CPA4: variants seen among roughly 807,000 people sequenced by gnomAD.
The protein encoded by CPA4 is carboxypeptidase A4.
Under a neutral mutation model 54.7 loss-of-function variants are expected in CPA4, and 49 were observed. The observed-to-expected ratio is 0.90, with a 90% confidence interval of 0.71 to 1.14. The LOEUF (loss-of-function observed/expected upper bound fraction) is 1.14. Ranked by LOEUF, CPA4 falls within the 50% of genes most tolerant of loss-of-function variation. The probability of loss-of-function intolerance (pLI) is 0.00; values close to 1 mark genes in which losing one functional copy is unlikely to be tolerated. For synonymous variants in CPA4, 215 were observed against 206.8 expected, an observed-to-expected ratio of 1.04 and a Z score of -0.34; for missense variants, 487 against 525.1, an observed-to-expected ratio of 0.93 and a Z score of 0.71.
chr7:130,311,902 G>A (rs1331818882), intron 9 of CPA4, 136 bp from the exon 10 acceptor site: 6 of 674,508 alleles, frequency 8.9e-6, no homozygotes, highest in Non-Finnish European at 8.0e-6. Context: ...TTGGCACTGG[G>A]CGAAGGGGAA....
chr7:130,318,749 C>G (rs928522821), intron 10 of CPA4, among the ~76,000 whole-genome samples: 1 of 152,052 alleles, frequency 6.6e-6, no homozygotes, highest in Non-Finnish European at 1.5e-5. Context: ...CTTCCATATT[C>G]TTTATAGGCC....
In CPA4 at chr7:130,297,005, T is replaced by C. The variant is rs1431862543; in HGVS notation, c.69-1741T>C. ...TCTTGCTCTATTGCCCAGGTTAGAG[T>C]GCAGAGGTGTGATCATAGCTCACTG... On this transcript the variant is annotated intron_variant, in intron 1 of 10. Transcript: ENST00000222482. 2.0e-5 allele frequency among the ~76,000 whole-genome samples: 3 copies of C among 151,814 alleles called. No homozygotes were observed. The East Asian group carries it at 5.8e-4, about 29-fold the overall frequency.
In CPA4 at chr7:130,310,237, C is replaced by T. The variant is rs1793889924; in HGVS notation, c.794-550C>T. Among the ~76,000 whole-genome samples the T allele has an allele frequency of 6.6e-6, 1 of 151,702 alleles. No homozygotes were observed. Among genetic ancestry groups the T allele is most frequent in the Non-Finnish European group, 1.5e-5 (1 of 68,028 alleles). ...GGGTGGTTTCAGTCACATTCATACA[C>T]ACACACACGCACACACACACGTATG... On this transcript the variant is annotated intron_variant, in intron 8 of 10. Transcript: ENST00000222482. This position sits in a 1 kb window ranked among gnomAD's most constrained non-coding sequence, Gnocchi z 4.3.
chr7:130,293,408 C>T (rs1793602389), intron 1 of CPA4, 160 bp downstream of exon 1: 1 of 630,434 alleles, frequency 1.6e-6, no homozygotes, highest in Non-Finnish European at 2.8e-6. Context: ...ACTCTCTTCT[C>T]TGAGACCCCA....
chr7:130,308,355 A>G lies in CPA4; in HGVS notation c.751A>G (p.Ile251Val), dbSNP rs1018945902. The change falls in exon 8 of 11, where the codon ATT (isoleucine) becomes GTT (valine). Residue 251 changes from isoleucine (I) to valine (V), a missense_variant. Ile to Val is a conservative substitution (Grantham distance 29). Coordinates refer to ENST00000222482, the MANE Select transcript of CPA4 (RefSeq NM_016352.4). Reference protein sequence around the residue: ...TRSRNPGSSCIGADPNRNWNA... With the variant: ...TRSRNPGSSCVGADPNRNWNA... ...GTCCCGAAATCCTGGAAGCTCCTGCATTGGTGCTGACCCAAATAGAAACTG... is the reference window on the plus strand; with the variant it reads ...GTCCCGAAATCCTGGAAGCTCCTGCGTTGGTGCTGACCCAAATAGAAACTG... 1 of 1,614,174 alleles carries G rather than the reference A, an allele frequency of 6.2e-7. No individual in the cohort carries two copies. Among genetic ancestry groups the G allele is most frequent in the African/African-American group, 1.3e-5 (1 of 75,060 alleles).
intron 1 of CPA4, 88 bp downstream of exon 1, chr7:130,293,336 A>G (rs1343295252): frequency 8.6e-6 from 7 of 813,278 alleles, no homozygotes; most frequent in Middle Eastern, 5.3e-4. Flanking sequence ...AATAGCTCAC[A>G]TGGAGGAAGA....
chr7:130,303,773 T>C (rs1793774709), intron 4 of CPA4, among the ~76,000 whole-genome samples: 1 of 150,034 alleles, frequency 6.7e-6, no homozygotes, highest in South Asian at 2.1e-4. Context: ...GGACCACAGA[T>C]ACACGCCACC....
intron 10 of CPA4, 61 bp downstream of exon 10, chr7:130,312,183 A>T: frequency 1.7e-6 from 2 of 1,211,158 alleles, no homozygotes; most frequent in Non-Finnish European, 1.2e-6. Flanking sequence ...CTTGAAATGG[A>T]GTGGGAGGAG....
Position 130,305,839 on chromosome 7 carries a change from GCGGC to G in CPA4, c.517_520del (p.Ala173PhefsTer3). The G allele has an allele frequency of 6.2e-7, 1 of 1,614,194 alleles. No homozygotes were observed. On this transcript the variant is annotated frameshift_variant, in exon 6 of 11. Transcript: ENST00000222482. LOFTEE classifies it high-confidence loss of function. ...AGTTCAGCACTGGGAAAGGCGTGAGGCGGCCGGCCGTTTGGCTGAATGCAGGCAT... is the reference window on the plus strand; with the variant it reads ...AGTTCAGCACTGGGAAAGGCGTGAGGCGGCCGTTTGGCTGAATGCAGGCAT...
At position 130,300,891 on chromosome 7, in the gene CPA4, G is replaced by A. The variant is rs760793296; in HGVS notation, c.361G>A (p.Gly121Arg). Residue 121 changes from glycine (G) to arginine (R), a missense_variant, in exon 4 of 11, where the codon GGG (glycine) becomes AGG (arginine). By Grantham distance (125) the Gly-to-Arg change is moderately radical (BLOSUM62 -2). Transcript: ENST00000222482. ...QERSSNNFNY[G>R]AYHSLEAIYH... The stretch of plus-strand genomic sequence containing the variant: ...ACGGAGCAGTAATAACTTCAACTAC[G>A]GGGCTTACCATTCCCTGGAAGCTGT... 4.3e-6 allele frequency: 7 copies of A among 1,612,360 alleles called. No homozygotes were observed. The highest frequency in any genetic ancestry group is 1.3e-5 in the African/African-American group (1 of 74,864).
At chr7:130,298,935 T>C (rs1024908064) in intron 2 of CPA4, 108 bp downstream of exon 2, 16 of 716,534 alleles carry the variant, frequency 2.2e-5, no homozygotes, top group African/African-American at 3.6e-5. Flanking sequence ...CTGAATATAA[T>C]CCTGTGGGAG....
intron 10 of CPA4, among the ~76,000 whole-genome samples, chr7:130,317,826 C>T (rs1403628169): frequency 6.6e-6 from 1 of 152,088 alleles, no homozygotes; most frequent in African/African-American, 2.4e-5. Flanking sequence ...CTCAGAACCC[C>T]TGCAAACTCG....
intron 8 of CPA4, among the ~76,000 whole-genome samples, chr7:130,308,808 T>G (rs1425141622): frequency 6.7e-6 from 1 of 150,228 alleles, no homozygotes; most frequent in Admixed American, 6.6e-5. Flanking sequence ...GCTTCAGCCT[T>G]CCAAAGTGCT....
At chr7:130,293,340 A>G in intron 1 of CPA4, 92 bp downstream of exon 1, 1 of 803,526 alleles carries the variant, frequency 1.2e-6, no homozygotes, top group Non-Finnish European at 2.2e-6. Flanking sequence ...GCTCACATGG[A>G]GGAAGAAGAC....
At position 130,308,316 on chromosome 7, in the gene CPA4, T is replaced by C; in HGVS notation, c.712T>C (p.Trp238Arg). 1.2e-6 allele frequency: 2 copies of C among 1,614,126 alleles called. No homozygotes were observed. Among genetic ancestry groups the C allele is most frequent in the Non-Finnish European group, 1.7e-6 (2 of 1,179,996 alleles). The change falls in exon 8 of 11, where the codon TGG becomes CGG. Residue 238 changes from tryptophan (W) to arginine (R), a missense_variant. Physicochemically the swap from Trp to Arg is moderately radical, Grantham distance 101 (BLOSUM62 -3). Coordinates refer to ENST00000222482, the MANE Select transcript of CPA4 (RefSeq NM_016352.4). ...YVYTQTQNRL[W>R]RKTRSRNPGS... ...TTGGTGGCTTTTTCAGAACCGATTA[T>C]GGAGGAAGACGCGGTCCCGAAATCC...
chr7:130,307,291 A>G (rs533723066), intron 7 of CPA4, among the ~76,000 whole-genome samples: 1 of 152,338 alleles, frequency 6.6e-6, no homozygotes, highest in South Asian at 2.1e-4. Flanking sequence ...TTTTAAAGGA[A>G]TAATGGAAGT....
rs139585673 is a variant in CPA4, at chr7:130,310,725, G to A, written c.794-62G>A. On this transcript the variant is annotated intron_variant, in intron 8 of 10. Transcript: ENST00000222482. The surrounding 1 kb of genome is among the most constrained non-coding windows in gnomAD (Gnocchi z 4.3). The stretch of plus-strand genomic sequence containing the variant: ...CCTTCGGCCCCTCTCTAGGTGGAGC[G>A]TCTTGCATTTCTGTGTTCTTGGACT... The A allele has an allele frequency of 2.1e-5, 32 of 1,503,014 alleles. No individual in the cohort carries two copies. Among genetic ancestry groups the A allele is most frequent in the African/African-American group, 2.7e-5 (2 of 72,862 alleles). 93.1% of individuals were successfully genotyped at this position (1,503,014 alleles called of 1,614,324 possible). A position where few individuals can be genotyped will look rare whatever the true frequency, so the allele number is the denominator to read the frequency against.
chr7:130,305,525 C>T (rs1326372324), intron 5 of CPA4, among the ~76,000 whole-genome samples: 2 of 152,212 alleles, frequency 1.3e-5, no homozygotes, highest in Admixed American at 1.3e-4. Context: ...AGAGACATAA[C>T]ATTATCTCTA....
chr7:130,297,203 C>T (rs1271122742), intron 1 of CPA4, among the ~76,000 whole-genome samples: 1 of 152,196 alleles, frequency 6.6e-6, no homozygotes, highest in Non-Finnish European at 1.5e-5. Context: ...AATCCTCTCA[C>T]CTTGGTTTCC....
Sources: allele counts gnomAD v4.1 joint callset (sites outside exome capture counted in the v4.1 genomes callset), GRCh38; gene constraint gnomAD v4.1.1; non-coding constraint Gnocchi (gnomAD v3.1); transcripts MANE v1.5; gene names NCBI Gene and HGNC (gene_info 2026-07-23, HGNC 2026-07-21).